The following ZC3HAV1 variants were observed in gnomAD, a reference collection of about 807,000 sequenced individuals.
ZC3HAV1 encodes the protein zinc finger CCCH-type antiviral protein 1.
A neutral mutation model predicts 86.6 loss-of-function variants in ZC3HAV1; 41 were observed. The observed-to-expected ratio is 0.47, with a 90% CI of 0.37 to 0.61. The LOEUF is 0.61. Ranked by LOEUF, ZC3HAV1 falls within the 20% of genes least tolerant of loss-of-function variation. The pLI, the probability that ZC3HAV1 is intolerant of heterozygous loss-of-function variation, is 0.00. For synonymous variants in ZC3HAV1, 421 were observed against 432.1 expected (o/e 0.97, Z 0.32); for missense variants, 964 against 1,141.1 (o/e 0.84, Z 2.24).
rs1563140546 is a variant in ZC3HAV1, at chr7:139,097,410, A to ATTTTTTTT, written c.309-7652_309-7651insAAAAAAAA. Among the ~76,000 whole-genome samples the ATTTTTTTT allele has an allele frequency of 4.1e-5, 3 of 73,122 alleles. 1 individual carries two copies. The highest frequency in any genetic ancestry group is 4.9e-5 in the Non-Finnish European group (2 of 41,222). The allele number at this position is 73,122 out of a possible 152,430, so 48.0% of individuals were successfully genotyped here. ...ACAAATATTGGAACTCCATATATAT[A>ATTTTTTTT]TATATATATATATATATATTTTTTT... On this transcript the variant is annotated intron_variant, in intron 1 of 12. Coordinates refer to ENST00000242351, the MANE Select transcript of ZC3HAV1 (RefSeq NM_020119.4).
chr7:139,063,027 C>CAAAAA (rs58859916), intron 8 of ZC3HAV1, among the ~76,000 whole-genome samples: 54 of 67,984 alleles, frequency 7.9e-4, no homozygotes, highest in Non-Finnish European at 1.0e-3. Context: ...GACTCTGTCT[C>CAAAAA]AAAAAAAAAA....
chr7:139,089,259 C>T (rs1326726721), intron 2 of ZC3HAV1, among the ~76,000 whole-genome samples: 1 of 152,072 alleles, frequency 6.6e-6, no homozygotes, highest in Non-Finnish European at 1.5e-5. Context: ...GTTACAACAG[C>T]TTAGCCCATA....
chr7:139,053,654 T>C, intron 11 of ZC3HAV1, 73 bp from the exon 12 acceptor site: 1 of 1,485,936 alleles, frequency 6.7e-7, no homozygotes, highest in South Asian at 1.4e-5. Context: ...TAATCCCAGC[T>C]AAAGTCTAAT....
chr7:139,059,977 C>T (rs563082799), intron 9 of ZC3HAV1, among the ~76,000 whole-genome samples: 1 of 152,278 alleles, frequency 6.6e-6, no homozygotes, highest in African/African-American at 2.4e-5. Context: ...CAAATCCACA[C>T]AGCTAATGGG....
chr7:139,082,936 A>G (rs1310218618), intron 3 of ZC3HAV1, among the ~76,000 whole-genome samples: 1 of 152,172 alleles, frequency 6.6e-6, no homozygotes, highest in Non-Finnish European at 1.5e-5. Flanking sequence ...TTTTGCATCA[A>G]TAATAAATTT....
intron 1 of ZC3HAV1, among the ~76,000 whole-genome samples, chr7:139,097,428 A>ATATATATATT: frequency 6.2e-5 from 3 of 48,158 alleles, no homozygotes; most frequent in African/African-American, 3.4e-4. Context: ...ATATATATAT[A>ATATATATATT]TTTTTTTTTT....
chr7:139,078,424 T>C (rs1817019533), intron 5 of ZC3HAV1, 128 bp downstream of exon 5: 1 of 692,496 alleles, frequency 1.4e-6, no homozygotes, highest in African/African-American at 1.9e-5. Flanking sequence ...CAACTCCACT[T>C]CTGGGTATAT....
At chr7:139,099,013 T>A (rs148474457) in intron 1 of ZC3HAV1, among the ~76,000 whole-genome samples, 2,688 of 152,306 alleles carry the variant, frequency 0.018, 288 homozygotes, top group Admixed American at 0.16. Context: ...TTTTGCCATC[T>A]CTGCATTATG....
intron 12 of ZC3HAV1, 72 bp downstream of exon 12, chr7:139,053,379 C>T: frequency 6.8e-7 from 1 of 1,465,416 alleles, no homozygotes; most frequent in Non-Finnish European, 9.1e-7. Flanking sequence ...ATTACATATA[C>T]CTCCTAATAG....
At chr7:139,047,892 AAAG>A in intron 12 of ZC3HAV1, 39 bp from the exon 13 acceptor site, 1 of 1,587,062 alleles carries the variant, frequency 6.3e-7, no homozygotes, top group Non-Finnish European at 8.6e-7. Flanking sequence ...AAATATTATA[AAAG>A]AAGGTATACA....
At chr7:139,095,981 G>A (rs1449309042) in intron 1 of ZC3HAV1, among the ~76,000 whole-genome samples, 1 of 151,764 alleles carries the variant, frequency 6.6e-6, no homozygotes, top group Admixed American at 6.6e-5. Flanking sequence ...GTAGATGGCC[G>A]CAGGTGGTGG....
At chr7:139,052,211 G>A (rs562745069) in intron 12 of ZC3HAV1, among the ~76,000 whole-genome samples, 1 of 150,788 alleles carries the variant, frequency 6.6e-6, no homozygotes, top group African/African-American at 2.4e-5. Context: ...CCTGCGCCAT[G>A]TTGGTGTGCT....
At chr7:139,107,293 C>T (rs1817964602) in intron 1 of ZC3HAV1, among the ~76,000 whole-genome samples, 1 of 152,056 alleles carries the variant, frequency 6.6e-6, no homozygotes, top group African/African-American at 2.4e-5. Context: ...AAATTGTTGC[C>T]CCACAACATA....
chr7:139,063,723 C>CAA lies in ZC3HAV1; in HGVS notation c.1993+1154_1993+1155dup, dbSNP rs57944873. 3.9e-3 allele frequency among the ~76,000 whole-genome samples: 288 copies of CAA among 73,572 alleles called. 2 individuals carry two copies. The highest frequency in any genetic ancestry group is 0.011 in the African/African-American group (237 of 20,662). The allele number at this position is 73,572 out of a possible 152,430, so 48.3% of individuals were successfully genotyped here. A position where few individuals can be genotyped will look rare whatever the true frequency, so the allele number is the denominator to read the frequency against. ...TGAGTGATGGCGTGGGACCCTGTCT[C>CAA]AAAAAAAAAAAAAAAAAAAAAAAGT... On this transcript the variant is annotated intron_variant, in intron 8 of 12. Transcript: ENST00000242351.
intron 1 of ZC3HAV1, among the ~76,000 whole-genome samples, chr7:139,094,601 T>G (rs1279050218): frequency 1.3e-5 from 2 of 152,176 alleles, no homozygotes; most frequent in African/African-American, 4.8e-5. Context: ...CTTTTCACTT[T>G]TCTCTTCCAG....
chr7:139,104,721 CAAAAA>C (rs1157897700), intron 1 of ZC3HAV1, among the ~76,000 whole-genome samples: 2 of 19,252 alleles, frequency 1.0e-4, no homozygotes, highest in Admixed American at 9.5e-4. Context: ...GACTCTGTCA[CAAAAA>C]AAAAAAAAAA....
chr7:139,093,648 C>T (rs1476068053), intron 1 of ZC3HAV1, among the ~76,000 whole-genome samples: 3 of 152,236 alleles, frequency 2.0e-5, no homozygotes, highest in Non-Finnish European at 4.4e-5. Flanking sequence ...GAACAACCCC[C>T]TTTGACTATA....
intron 1 of ZC3HAV1, among the ~76,000 whole-genome samples, chr7:139,103,298 T>C (rs1291128898): frequency 1.3e-5 from 2 of 151,286 alleles, no homozygotes; most frequent in East Asian, 3.9e-4. Flanking sequence ...TTTGATGGGG[T>C]CTCACTATGT....
intron 3 of ZC3HAV1, among the ~76,000 whole-genome samples, chr7:139,081,513 G>C (rs1817128152): frequency 6.6e-6 from 1 of 152,166 alleles, no homozygotes; most frequent in Non-Finnish European, 1.5e-5. Flanking sequence ...TCTGTTCAGA[G>C]GGAACTGTAG....
Sources: allele counts gnomAD v4.1 joint callset (sites outside exome capture counted in the v4.1 genomes callset), GRCh38; gene constraint gnomAD v4.1.1; transcripts MANE v1.5; gene names NCBI Gene and HGNC (gene_info 2026-07-23, HGNC 2026-07-21).